MAPKAPK2: variants seen among roughly 807,000 people sequenced by gnomAD.
MAPKAPK2 encodes the protein MAPK activated protein kinase 2.
In MAPKAPK2, 9 loss-of-function variants were observed where a neutral mutation model predicts 48.8. The observed-to-expected ratio is 0.18, with a 90% CI of 0.11 to 0.32. The LOEUF (loss-of-function observed/expected upper bound fraction) is 0.32, where lower values mean the gene tolerates loss of function less well. MAPKAPK2 is among the 10% of genes least tolerant of loss of function. The pLI, the probability that MAPKAPK2 is intolerant of heterozygous loss-of-function variation, is 1.00. For synonymous variants in MAPKAPK2, 202 were observed against 190.6 expected (o/e 1.06, Z -0.49); for missense variants, 331 against 498.3 (o/e 0.66, Z 3.20).
rs574066139 is a variant in MAPKAPK2, at chr1:206,698,050, C to T, written c.279+12542C>T. 2.0e-4 allele frequency among the ~76,000 whole-genome samples: 31 copies of T among 152,376 alleles called. No individual in the cohort carries two copies. In the South Asian group the frequency reaches 2.3e-3, roughly 11 times the overall value. Reference sequence around the variant, plus strand: ...TGATGCTGGGAAACAAGTGGTCGGCCTGGGTCCCAGGGAGCCTCGGGGACT... The same window carrying T: ...TGATGCTGGGAAACAAGTGGTCGGCTTGGGTCCCAGGGAGCCTCGGGGACT... On this transcript the variant is annotated intron_variant, in intron 1 of 9. Coordinates refer to ENST00000367103, the MANE Select transcript of MAPKAPK2 (RefSeq NM_032960.4).
intron 1 of MAPKAPK2, among the ~76,000 whole-genome samples, chr1:206,710,337 A>G (rs182785985): frequency 3.9e-5 from 6 of 152,338 alleles, no homozygotes; most frequent in African/African-American, 2.4e-5. Flanking sequence ...GTCACTGCCT[A>G]TCTGTTCACT....
At chr1:206,726,398 A>G (rs548398438) in intron 1 of MAPKAPK2, among the ~76,000 whole-genome samples, 2 of 152,358 alleles carry the variant, frequency 1.3e-5, no homozygotes, top group African/African-American at 4.8e-5. Context: ...GAAACAAACA[A>G]ACCCTAATGA....
intron 1 of MAPKAPK2, among the ~76,000 whole-genome samples, chr1:206,723,941 A>G (rs146566762): frequency 1.3e-5 from 2 of 152,360 alleles, no homozygotes; most frequent in Non-Finnish European, 2.9e-5. Flanking sequence ...AGCTGAGCAC[A>G]CGCAATCATT....
Position 206,729,118 on chromosome 1 carries a change from G to A in MAPKAPK2, c.484+19G>A. 6.2e-7 allele frequency: 1 copy of A among 1,613,656 alleles called. No individual in the cohort carries two copies. Among genetic ancestry groups the A allele is most frequent in the East Asian group, 2.2e-5 (1 of 44,868 alleles). ...GAAAGAGGTAGAAAGGGTCTGTTGT[G>A]GGAGCACGTGCAGGCAGGCAGGGCA... On this transcript the variant is annotated intron_variant, in intron 3 of 9. Coordinates refer to ENST00000367103, the MANE Select transcript of MAPKAPK2 (RefSeq NM_032960.4).
At chr1:206,699,199 T>A (rs1553427519) in intron 1 of MAPKAPK2, among the ~76,000 whole-genome samples, 1 of 152,202 alleles carries the variant, frequency 6.6e-6, no homozygotes, top group Non-Finnish European at 1.5e-5. Flanking sequence ...ATTTGACCCT[T>A]GTAGGCCAGA....
At chr1:206,729,743 G>A (rs1366848748) in intron 4 of MAPKAPK2, among the ~76,000 whole-genome samples, 1 of 152,144 alleles carries the variant, frequency 6.6e-6, no homozygotes, top group African/African-American at 2.4e-5. Flanking sequence ...TTCCTGTGGT[G>A]TTTACTGCGG....
intron 1 of MAPKAPK2, among the ~76,000 whole-genome samples, chr1:206,699,973 T>TC (rs1553427639): frequency 1.3e-5 from 2 of 148,424 alleles, no homozygotes; most frequent in Admixed American, 6.7e-5. Flanking sequence ...TCTCTCTCTC[T>TC]TCTTTTTTTC....
At chr1:206,721,194 T>C (rs1673507450) in intron 1 of MAPKAPK2, among the ~76,000 whole-genome samples, 1 of 152,126 alleles carries the variant, frequency 6.6e-6, no homozygotes, top group African/African-American at 2.4e-5. Flanking sequence ...CCCCTGTTGC[T>C]CCTGCTCTTG....
chr1:206,721,630 G>C (rs1553431221), intron 1 of MAPKAPK2, among the ~76,000 whole-genome samples: 1 of 152,166 alleles, frequency 6.6e-6, no homozygotes, highest in African/African-American at 2.4e-5. Context: ...GGAGCAGCCA[G>C]AGCAGGGTTC....
At chr1:206,718,631 C>A (rs782645040) in intron 1 of MAPKAPK2, among the ~76,000 whole-genome samples, 5 of 152,024 alleles carry the variant, frequency 3.3e-5, no homozygotes, top group Non-Finnish European at 5.9e-5. Flanking sequence ...GCATCCTGCT[C>A]TCCCCGTCGC....
intron 1 of MAPKAPK2, chr1:206,695,947 C>A (rs1356885644): frequency 1.6e-5 from 11 of 682,620 alleles, no homozygotes; most frequent in Non-Finnish European, 2.7e-5. Context: ...GCCACCTGGG[C>A]CCCAGGTCCA....
intron 1 of MAPKAPK2, among the ~76,000 whole-genome samples, chr1:206,721,681 G>A (rs1553431224): frequency 6.6e-6 from 1 of 152,152 alleles, no homozygotes; most frequent in Non-Finnish European, 1.5e-5. Flanking sequence ...AAAAGGTCGT[G>A]AACTAATGAC....
rs1407335591 is a variant in MAPKAPK2 at position 206,733,237 on chromosome 1, C to T, written c.*519C>T. On this transcript the variant is annotated 3_prime_UTR_variant, in exon 10 of 10. Transcript: ENST00000367103. ...ATGCCACGCACTTCCTCTCTCGGAG[C>T]CCTCAGACATCTCCAGTGTGCCAGA... The T allele has an allele frequency of 1.9e-5, 3 of 160,550 alleles. No individual in the cohort carries two copies. Among genetic ancestry groups the T allele is most frequent in the Admixed American group, 6.0e-5 (1 of 16,552 alleles). The allele number at this position is 160,550 out of a possible 1,614,324, so 9.9% of individuals were successfully genotyped here. A position where few individuals can be genotyped will look rare whatever the true frequency, so the allele number is the denominator to read the frequency against.
chr1:206,724,634 C>T (rs1553431684), intron 1 of MAPKAPK2, among the ~76,000 whole-genome samples: 1 of 143,186 alleles, frequency 7.0e-6, no homozygotes, highest in Non-Finnish European at 1.5e-5. Flanking sequence ...ATGGGAAATT[C>T]TTGCTAAGTT....
At chr1:206,685,933 G>A (rs1553425548) in intron 1 of MAPKAPK2, among the ~76,000 whole-genome samples, 2 of 152,174 alleles carry the variant, frequency 1.3e-5, no homozygotes, top group African/African-American at 2.4e-5. Flanking sequence ...TCATTGAGCC[G>A]GTTGGTCGGT....
intron 1 of MAPKAPK2, among the ~76,000 whole-genome samples, chr1:206,716,192 G>C (rs1405794472): frequency 3.3e-5 from 5 of 151,626 alleles, no homozygotes; most frequent in African/African-American, 1.2e-4. Context: ...ATCTTCAGCT[G>C]TGTGAGAGGT....
intron 1 of MAPKAPK2, among the ~76,000 whole-genome samples, chr1:206,691,504 T>TATATATGTATATATATATATATAC (rs1424297313): frequency 8.9e-6 from 1 of 112,150 alleles, no homozygotes; most frequent in Non-Finnish European, 2.0e-5. Flanking sequence ...TATATATATA[T>TATATATGTATATATATATATATAC]ACACACATAC....
chr1:206,703,940 C>G (rs975847074), intron 1 of MAPKAPK2, among the ~76,000 whole-genome samples: 30 of 152,212 alleles, frequency 2.0e-4, no homozygotes, highest in Admixed American at 1.3e-4. Context: ...TGAGAGTGCC[C>G]TGCACCCCAT....
chr1:206,712,962 T>TCACACACACACACACACACACACACA (rs58379967), intron 1 of MAPKAPK2, among the ~76,000 whole-genome samples: 11 of 112,306 alleles, frequency 9.8e-5, no homozygotes, highest in East Asian at 2.8e-4. Flanking sequence ...TGAGACTCCA[T>TCACACACACACACACACACACACACA]CACACACACA....
Sources: allele counts gnomAD v4.1 joint callset (sites outside exome capture counted in the v4.1 genomes callset), GRCh38; gene constraint gnomAD v4.1.1; transcripts MANE v1.5; gene names NCBI Gene and HGNC (gene_info 2026-07-23, HGNC 2026-07-21).